The following EPHA6 variants were observed in gnomAD, a reference collection of about 807,000 sequenced individuals.
The protein encoded by EPHA6 is ephrin type-A receptor 6.
A neutral mutation model predicts 112.0 loss-of-function variants in EPHA6; 50 were observed. The ratio of observed to expected loss-of-function variants is 0.45; its 90% confidence interval spans 0.36 to 0.56. EPHA6 has a LOEUF of 0.56. EPHA6 is among the 20% of genes least tolerant of loss of function. The pLI is 0.00. For missense variants in EPHA6, 1,280 were observed against 1,417.4 expected, an observed-to-expected ratio of 0.90 and a Z score of 1.56; for synonymous variants, 529 against 490.7, an observed-to-expected ratio of 1.08 and a Z score of -1.03.
intron 5 of EPHA6, among the ~76,000 whole-genome samples, chr3:97,253,165 GAA>G (rs1360061804): frequency 2.6e-5 from 4 of 152,146 alleles, no homozygotes; most frequent in Non-Finnish European, 5.9e-5. Context: ...CTGACTGCCT[GAA>G]ATATTACTTA....
At chr3:97,652,590 G>A (rs2094114641) in intron 14 of EPHA6, among the ~76,000 whole-genome samples, 1 of 151,958 alleles carries the variant, frequency 6.6e-6, no homozygotes, top group Non-Finnish European at 1.5e-5. Context: ...GGTTTGAGTG[G>A]GGAGCTTTCT....
intron 5 of EPHA6, among the ~76,000 whole-genome samples, chr3:97,361,477 A>T (rs1374480822): frequency 1.3e-5 from 2 of 152,158 alleles, no homozygotes; most frequent in Non-Finnish European, 2.9e-5. Context: ...GTTGCTTATA[A>T]CATAATACCT....
At chr3:97,668,842 G>A (rs1314810237) in intron 14 of EPHA6, among the ~76,000 whole-genome samples, 2 of 133,004 alleles carry the variant, frequency 1.5e-5, no homozygotes, top group Admixed American at 8.8e-5. Flanking sequence ...GAACCTGGGA[G>A]GTAAAGGTTG....
At chr3:97,366,814 G>A (rs935614173) in intron 5 of EPHA6, among the ~76,000 whole-genome samples, 4 of 152,002 alleles carry the variant, frequency 2.6e-5, no homozygotes, top group Non-Finnish European at 5.9e-5. Flanking sequence ...GCTACCTCTC[G>A]CCCTTGTTTG....
chr3:97,517,371 CA>C (rs998831465), intron 10 of EPHA6, among the ~76,000 whole-genome samples: 1 of 151,696 alleles, frequency 6.6e-6, no homozygotes, highest in African/African-American at 2.4e-5. Flanking sequence ...GGAGAGGGAC[CA>C]AAGAAGCAGG....
chr3:97,334,278 A>G (rs1233530727), intron 5 of EPHA6, among the ~76,000 whole-genome samples: 1 of 151,874 alleles, frequency 6.6e-6, no homozygotes, highest in African/African-American at 2.4e-5. Context: ...CTAATTTTGT[A>G]TTAGGGTAAT....
At position 96,814,794 on chromosome 3, in the gene EPHA6, AGAG is replaced by A. The variant is rs746454610; in HGVS notation, c.183_185del (p.Glu63del). 47 of 1,600,726 alleles carry A rather than the reference AGAG, an allele frequency of 2.9e-5. No individual in the cohort carries two copies. Among genetic ancestry groups the A allele is most frequent in the Middle Eastern group, 1.7e-4 (1 of 6,056 alleles). ...CCCCTGCGGGCCGGGTGGAGGAGGAAGAGGAGGAGGAGGAAGAAGACGTGGACA... is the reference window on the plus strand; with the variant it reads ...CCCCTGCGGGCCGGGTGGAGGAGGAAGAGGAGGAGGAAGAAGACGTGGACA... On this transcript the variant is annotated inframe_deletion, in exon 1 of 18. Coordinates refer to ENST00000389672, the MANE Select transcript of EPHA6 (RefSeq NM_001080448.3).
At chr3:97,477,211 T>C (rs566150054) in intron 8 of EPHA6, among the ~76,000 whole-genome samples, 2 of 152,266 alleles carry the variant, frequency 1.3e-5, no homozygotes, top group East Asian at 1.9e-4. Context: ...CATTAGGTTG[T>C]AGATTAAATG....
intron 5 of EPHA6, among the ~76,000 whole-genome samples, chr3:97,325,905 C>A (rs11925866): frequency 0.037 from 5,673 of 152,032 alleles, 311 homozygotes; most frequent in African/African-American, 0.12. Flanking sequence ...ATTTTCTATA[C>A]TCTGCTTATT....
Position 97,063,040 on chromosome 3 carries a change from G to A in EPHA6, c.1114+75047G>A, listed in dbSNP as rs189672082. ...CAGTCAGAATGGCTATTACTAAAAA[G>A]TCAAAAGCAACAGATGCTGGCGAAG... On this transcript the variant is annotated intron_variant, in intron 3 of 17. Transcript: ENST00000389672. 5.3e-3 allele frequency among the ~76,000 whole-genome samples: 808 copies of A among 151,908 alleles called. 14 individuals are homozygous for A. Among genetic ancestry groups the A allele is most frequent in the African/African-American group, 0.018 (760 of 41,430 alleles).
chr3:97,411,226 A>G (rs2087692987), intron 6 of EPHA6, among the ~76,000 whole-genome samples: 1 of 152,008 alleles, frequency 6.6e-6, no homozygotes, highest in Non-Finnish European at 1.5e-5. Flanking sequence ...TAAACATCAC[A>G]TTCTCTGTGG....
At chr3:97,037,006 C>T (rs1416302980) in intron 3 of EPHA6, among the ~76,000 whole-genome samples, 1 of 151,842 alleles carries the variant, frequency 6.6e-6, no homozygotes, top group Non-Finnish European at 1.5e-5. Flanking sequence ...AAAGGTCAGA[C>T]CCCTTCCTTT....
intron 11 of EPHA6, among the ~76,000 whole-genome samples, chr3:97,592,005 A>G (rs1189473925): frequency 2.0e-5 from 3 of 152,172 alleles, no homozygotes; most frequent in Admixed American, 6.5e-5. Context: ...TTTCTTTACA[A>G]TATCCTTCTT....
intron 2 of EPHA6, among the ~76,000 whole-genome samples, chr3:96,880,818 A>G (rs2037273103): frequency 6.6e-6 from 1 of 152,100 alleles, no homozygotes; most frequent in South Asian, 2.1e-4. Context: ...TCTTTTACTT[A>G]GCGTGGTTTT....
intron 6 of EPHA6, among the ~76,000 whole-genome samples, chr3:97,412,823 A>C (rs1421820246): frequency 6.6e-6 from 1 of 151,936 alleles, no homozygotes; most frequent in Non-Finnish European, 1.5e-5. Context: ...CTTTCTGTTA[A>C]AGAAACTGTA....
At chr3:96,921,110 T>A (rs1395844927) in intron 2 of EPHA6, among the ~76,000 whole-genome samples, 1 of 151,986 alleles carries the variant, frequency 6.6e-6, no homozygotes, top group Non-Finnish European at 1.5e-5. Flanking sequence ...TATAACTATA[T>A]CTCAAAAAAT....
chr3:97,406,896 T>G (rs1283540557), intron 6 of EPHA6, among the ~76,000 whole-genome samples: 3 of 152,146 alleles, frequency 2.0e-5, no homozygotes, highest in African/African-American at 7.2e-5. Flanking sequence ...AAGCATATGT[T>G]TTCTGTTGAC....
At chr3:97,280,073 A>T (rs2080235459) in intron 5 of EPHA6, among the ~76,000 whole-genome samples, 1 of 152,156 alleles carries the variant, frequency 6.6e-6, no homozygotes, top group South Asian at 2.1e-4. Flanking sequence ...TTTAGTAGAG[A>T]CAGAGTTTTG....
intron 5 of EPHA6, among the ~76,000 whole-genome samples, chr3:97,333,051 A>G (rs192097981): frequency 3.9e-5 from 6 of 152,206 alleles, no homozygotes; most frequent in Admixed American, 3.3e-4. Context: ...ATTGGGGAAA[A>G]TTAACATATT....
Sources: allele counts gnomAD v4.1 joint callset (sites outside exome capture counted in the v4.1 genomes callset), GRCh38; gene constraint gnomAD v4.1.1; transcripts MANE v1.5; gene names NCBI Gene and HGNC (gene_info 2026-07-23, HGNC 2026-07-21).